Variants in NINJ1 observed in about 807,000 individuals in gnomAD.
NINJ1 encodes ninjurin-1.
NINJ1 carries 6 observed loss-of-function variants against 12.7 expected under a neutral mutation model. That is an observed-to-expected ratio of 0.47 (90% CI 0.26 to 0.93). NINJ1 has a LOEUF of 0.93. Ranked by LOEUF, NINJ1 falls within the 40% of genes least tolerant of loss-of-function variation. The pLI, the probability that NINJ1 is intolerant of heterozygous loss-of-function variation, is 0.15. For synonymous variants in NINJ1, 100 were observed against 96.0 expected, an observed-to-expected ratio of 1.04 and a Z score of -0.25; for missense variants, 170 against 213.0, an observed-to-expected ratio of 0.80 and a Z score of 1.26.
intron 3 of NINJ1, among the ~76,000 whole-genome samples, chr9:93,123,468 G>A (rs986559952): frequency 6.6e-6 from 1 of 152,238 alleles, no homozygotes; most frequent in Non-Finnish European, 1.5e-5. Context: ...ATTTTTAGCA[G>A]AGACACGGTA....
chr9:93,125,002 G>T lies in NINJ1; in HGVS notation c.365C>A (p.Ala122Asp). 6.2e-7 allele frequency: 1 copy of T among 1,614,086 alleles called. No individual in the cohort carries two copies. Among genetic ancestry groups the T allele is most frequent in the East Asian group, 2.2e-5 (1 of 44,866 alleles). Residue 122 changes from alanine (A) to aspartate (D), a missense_variant, in exon 3 of 4, where the codon GCC (alanine) becomes GAC (aspartate). Transcript: ENST00000375446. ...HAKLDFLNNL[A>D]TGLVFIIVVV... Reference sequence around the variant, plus strand: ...CACGATGATGAACACCAGGCCCGTGGCCAGGTTGTTGAGGAAGTCCAGCTT... The same window carrying T: ...CACGATGATGAACACCAGGCCCGTGTCCAGGTTGTTGAGGAAGTCCAGCTT...
At position 93,126,619 on chromosome 9, in the gene NINJ1, C is replaced by G. The variant is rs1827814423; in HGVS notation, c.95G>C (p.Arg32Thr). The G allele has an allele frequency of 6.2e-7, 1 of 1,605,364 alleles. No homozygotes were observed. The highest frequency in any genetic ancestry group is 1.7e-5 in the Admixed American group (1 of 59,608). ...ATGGTTCACGTTGATGGGCCCGTGC[C>G]TCCAGCCCCAGCGGGCCGGCTGCAG... ...PDASPARWGW[R>T]HGPINVNHYA... Residue 32 changes from arginine (R) to threonine (T), a missense_variant, in exon 2 of 4, where the codon AGG becomes ACG. Transcript: ENST00000375446.
intron 1 of NINJ1, among the ~76,000 whole-genome samples, chr9:93,128,145 C>T (rs528640988): frequency 1.3e-5 from 2 of 152,182 alleles, no homozygotes; most frequent in Non-Finnish European, 2.9e-5. Context: ...GACACATGTG[C>T]GCACAGGGAC....
At chr9:93,125,879 G>C (rs909226484) in intron 2 of NINJ1, 1 of 158,924 alleles carries the variant, frequency 6.3e-6, no homozygotes, top group African/African-American at 2.4e-5. Context: ...TCAAGACACA[G>C]CAAGACCCGG....
chr9:93,123,820 C>T (rs1165622788), intron 3 of NINJ1, among the ~76,000 whole-genome samples: 1 of 152,218 alleles, frequency 6.6e-6, no homozygotes, highest in Non-Finnish European at 1.5e-5. Context: ...GTAGTGTGTG[C>T]ACCATGTGGC....
At chr9:93,125,274 A>G (rs745606194) in intron 2 of NINJ1, 1 of 472,246 alleles carries the variant, frequency 2.1e-6, no homozygotes, top group Non-Finnish European at 3.7e-6. Flanking sequence ...GGGCAACCCC[A>G]CGGTCTATGA....
At chr9:93,126,349 G>A (rs1430800541) in intron 2 of NINJ1, 61 bp downstream of exon 2, 12 of 1,444,030 alleles carry the variant, frequency 8.3e-6, no homozygotes, top group South Asian at 7.4e-5. Context: ...TGTCCCAGGC[G>A]ATGCGAGCAG....
intron 3 of NINJ1, among the ~76,000 whole-genome samples, chr9:93,123,964 G>A (rs1827773116): frequency 6.6e-6 from 1 of 152,226 alleles, no homozygotes; most frequent in Non-Finnish European, 1.5e-5. Context: ...CCTACACTGG[G>A]TGCCTCGTCC....
chr9:93,131,203 A>G (rs1827888243), intron 1 of NINJ1, among the ~76,000 whole-genome samples: 1 of 152,196 alleles, frequency 6.6e-6, no homozygotes. Context: ...TCCCAGCTCC[A>G]TGTCTGTGTT....
intron 1 of NINJ1, among the ~76,000 whole-genome samples, chr9:93,130,847 G>GA (rs1215032173): frequency 1.3e-5 from 2 of 152,234 alleles, no homozygotes; most frequent in Non-Finnish European, 2.9e-5. Context: ...CTCCTGTGCT[G>GA]AGCAGGACCC....
At chr9:93,126,711 G>A in intron 1 of NINJ1, 73 bp from the exon 2 acceptor site, 2 of 1,220,558 alleles carry the variant, frequency 1.6e-6, no homozygotes, top group South Asian at 2.8e-5. Flanking sequence ...CGGGCTCTGG[G>A]GGTCACCGGG....
chr9:93,126,885 C>T (rs550016285), intron 1 of NINJ1, among the ~76,000 whole-genome samples: 18 of 152,298 alleles, frequency 1.2e-4, no homozygotes, highest in African/African-American at 4.3e-4. Context: ...CCTTAGCACA[C>T]GCACTCTGAT....
chr9:93,126,373 G>A (rs972064028), intron 2 of NINJ1, 37 bp downstream of exon 2: 2 of 1,564,178 alleles, frequency 1.3e-6, no homozygotes, highest in South Asian at 1.1e-5. Flanking sequence ...CCAGCAAGGT[G>A]AGCAGGTGGC....
intron 1 of NINJ1, among the ~76,000 whole-genome samples, chr9:93,133,802 G>C (rs921144706): frequency 3.3e-5 from 5 of 152,214 alleles, no homozygotes; most frequent in East Asian, 1.9e-4. Flanking sequence ...CGAGAGTGGG[G>C]GGGAGGTCGG....
chr9:93,126,615 G>C lies in NINJ1; in HGVS notation c.99C>G (p.His33Gln), dbSNP rs1321877430. Reference protein sequence around the residue: ...DASPARWGWRHGPINVNHYAS... With the variant: ...DASPARWGWRQGPINVNHYAS... Reference sequence around the variant, plus strand: ...CGTAATGGTTCACGTTGATGGGCCCGTGCCTCCAGCCCCAGCGGGCCGGCT... The same window carrying C: ...CGTAATGGTTCACGTTGATGGGCCCCTGCCTCCAGCCCCAGCGGGCCGGCT... The change falls in exon 2 of 4, where the codon CAC becomes CAG. Residue 33 changes from histidine to glutamine, a missense_variant. His to Gln is a conservative substitution (Grantham distance 24). Transcript: ENST00000375446. 4 of 1,608,388 alleles carry C rather than the reference G, an allele frequency of 2.5e-6. No individual in the cohort carries two copies. Among genetic ancestry groups the C allele is most frequent in the African/African-American group, 2.7e-5 (2 of 74,802 alleles).
chr9:93,126,529 G>A lies in NINJ1; in HGVS notation c.185C>T (p.Ser62Phe). The A allele has an allele frequency of 6.2e-7, 1 of 1,614,196 alleles. No homozygotes were observed. The highest frequency in any genetic ancestry group is 1.1e-5 in the South Asian group (1 of 91,088). ...CTGTTCCACGACGGCCTTCAGCTGGGACGCGTTGGCCATCAGCAGCGCGAT... is the reference window on the plus strand; with the variant it reads ...CTGTTCCACGACGGCCTTCAGCTGGAACGCGTTGGCCATCAGCAGCGCGAT... ...LDIALLMANA[S>F]QLKAVVEQGP... The change falls in exon 2 of 4, where the codon TCC (serine) becomes TTC (phenylalanine). Residue 62 changes from serine (S) to phenylalanine (F), a missense_variant. Ser to Phe is a radical substitution (Grantham distance 155, BLOSUM62 -2). Coordinates refer to ENST00000375446, the MANE Select transcript of NINJ1 (RefSeq NM_004148.4).
chr9:93,133,336 C>A (rs912228085), intron 1 of NINJ1, among the ~76,000 whole-genome samples: 1 of 152,252 alleles, frequency 6.6e-6, no homozygotes, highest in African/African-American at 2.4e-5. Context: ...GCTGCTGTTC[C>A]CTGCCCCCAT....
chr9:93,127,301 G>A (rs1198039898), intron 1 of NINJ1, among the ~76,000 whole-genome samples: 1 of 152,202 alleles, frequency 6.6e-6, no homozygotes, highest in Non-Finnish European at 1.5e-5. Flanking sequence ...GACATACAGT[G>A]GAGCTTAGCT....
rs1827784829 is a variant in NINJ1 at position 93,124,756 on chromosome 9, T to C, written c.*9+143A>G. The C allele has an allele frequency of 5.9e-6, 5 of 854,168 alleles. No homozygotes were observed. The African/African-American group carries it at 6.9e-5, about 12-fold the overall frequency. The allele number at this position is 854,168 out of a possible 1,614,324, so 52.9% of individuals were successfully genotyped here. ...CTGGCCTCAAGGCAGTGGCCAGGCA[T>C]TGGCCTTGTAGGTGTGGACGAGGAT... On this transcript the variant is annotated intron_variant, in intron 3 of 3. Coordinates refer to ENST00000375446, the MANE Select transcript of NINJ1 (RefSeq NM_004148.4).
Sources: allele counts gnomAD v4.1 joint callset (sites outside exome capture counted in the v4.1 genomes callset), GRCh38; gene constraint gnomAD v4.1.1; transcripts MANE v1.5; gene names NCBI Gene and HGNC (gene_info 2026-07-23, HGNC 2026-07-21).